SUN1: variants seen among roughly 807,000 people sequenced by gnomAD.
The protein encoded by SUN1 is SUN domain-containing protein 1.
Under a neutral mutation model 103.2 loss-of-function variants are expected in SUN1, and 61 were observed. That is an observed-to-expected ratio of 0.59 (90% CI 0.48 to 0.73). The LOEUF (loss-of-function observed/expected upper bound fraction) is 0.73, where lower values mean the gene tolerates loss of function less well. SUN1 is among the 30% of genes least tolerant of loss of function. The probability of loss-of-function intolerance (pLI) is 0.00; values close to 1 mark genes in which losing one functional copy is unlikely to be tolerated. For synonymous variants in SUN1, 490 were observed against 425.7 expected, an observed-to-expected ratio of 1.15 and a Z score of -1.86; for missense variants, 1,052 against 1,034.6, an observed-to-expected ratio of 1.02 and a Z score of -0.23.
rs369720300 is a variant in SUN1 at position 860,133 on chromosome 7, C to A, written c.1530C>A (p.Asp510Glu). 6.8e-6 allele frequency: 11 copies of A among 1,613,778 alleles called. No homozygotes were observed. The East Asian group carries it at 1.1e-4, about 16-fold the overall frequency. ...TCCGTCTGCTGTTTTACTAGGTGGACGTGCAAGTCAGAGAAATGGTGAAAC... is the reference window on the plus strand; with the variant it reads ...TCCGTCTGCTGTTTTACTAGGTGGAAGTGCAAGTCAGAGAAATGGTGAAAC... The part of the protein sequence containing the change: ...ETVDAVQERV[D>E]VQVREMVKLL... Residue 510 changes from aspartate to glutamate, a missense_variant, in exon 14 of 19, where the codon GAC becomes GAA. Asp to Glu is a conservative substitution (Grantham distance 45, BLOSUM62 2). Transcript: ENST00000401592.
chr7:861,731 C>T (rs1055534052), intron 15 of SUN1, among the ~76,000 whole-genome samples: 1 of 152,220 alleles, frequency 6.6e-6, no homozygotes, highest in African/African-American at 2.4e-5. Context: ...GTGTGCTCGA[C>T]TGTTCACTCT....
intron 3 of SUN1, chr7:842,424 A>T: frequency 2.6e-6 from 1 of 382,006 alleles, no homozygotes; most frequent in Admixed American, 4.3e-5. Context: ...CAATGGGGAG[A>T]TGAAGCAGCA....
intron 1 of SUN1, among the ~76,000 whole-genome samples, chr7:837,529 C>CT (rs1157946804): frequency 6.6e-6 from 1 of 152,130 alleles, no homozygotes; most frequent in Non-Finnish European, 1.5e-5. Flanking sequence ...ACGTTAAGGC[C>CT]TAGTGGTCTT....
At position 853,595 on chromosome 7, in the gene SUN1, G is replaced by A. The variant is rs574113932; in HGVS notation, c.1240G>A (p.Ala414Thr). 107 of 1,605,408 alleles carry A rather than the reference G, an allele frequency of 6.7e-5. No homozygotes were observed. The highest frequency in any genetic ancestry group is 1.2e-4 in the African/African-American group (9 of 75,032). Reference protein sequence around the residue: ...AAGPSASVRDAVGQPPRETDF... With the variant: ...AAGPSASVRDTVGQPPRETDF... ...CGGGCCGTCAGCTTCGGTCAGAGACGCTGTGGGACAGCCCCCGAGGGAGGT... is the reference window on the plus strand; with the variant it reads ...CGGGCCGTCAGCTTCGGTCAGAGACACTGTGGGACAGCCCCCGAGGGAGGT... Residue 414 changes from alanine (A) to threonine (T), a missense_variant, in exon 10 of 19, where the codon GCT becomes ACT. Coordinates refer to ENST00000401592, the MANE Select transcript of SUN1 (RefSeq NM_001130965.3).
At chr7:821,319 G>A (rs965726333) in intron 1 of SUN1, among the ~76,000 whole-genome samples, 31 of 151,830 alleles carry the variant, frequency 2.0e-4, no homozygotes, top group African/African-American at 7.5e-4. Context: ...ACAGGTGCAC[G>A]CCACCACGCC....
chr7:844,236 C>T (rs1373211241), intron 5 of SUN1, among the ~76,000 whole-genome samples: 1 of 152,204 alleles, frequency 6.6e-6, no homozygotes, highest in Non-Finnish European at 1.5e-5. Flanking sequence ...GACTGCCTGG[C>T]CCAGGATCTC....
At chr7:855,084 A>G in intron 11 of SUN1, 78 bp downstream of exon 11, 2 of 1,111,656 alleles carry the variant, frequency 1.8e-6, no homozygotes, top group Middle Eastern at 2.1e-4. Context: ...CCCTTTGGTC[A>G]TTTAATGTTC....
intron 11 of SUN1, among the ~76,000 whole-genome samples, chr7:855,698 A>G (rs940233717): frequency 3.3e-5 from 5 of 152,148 alleles, no homozygotes; most frequent in Non-Finnish European, 5.9e-5. Context: ...GTGGGCTGAG[A>G]GGAGCAGGCA....
At chr7:867,943 G>C (rs190643828) in intron 16 of SUN1, among the ~76,000 whole-genome samples, 1 of 152,324 alleles carries the variant, frequency 6.6e-6, no homozygotes, top group East Asian at 1.9e-4. Flanking sequence ...CCCAAGAGGG[G>C]TACCAGGGAA....
chr7:868,374 G>A (rs4721964), intron 16 of SUN1: 33,108 of 256,614 alleles, frequency 0.13, 2,509 homozygotes, highest in South Asian at 0.22. Context: ...AGATGTGTGC[G>A]CAGCAGGCCG....
intron 15 of SUN1, among the ~76,000 whole-genome samples, chr7:863,428 T>G (rs1833893934): frequency 1.3e-5 from 2 of 152,256 alleles, no homozygotes; most frequent in South Asian, 4.1e-4. Flanking sequence ...TTTTTTGTCC[T>G]GCTTTGACAA....
At chr7:818,626 TCA>T (rs745967645) in intron 1 of SUN1, among the ~76,000 whole-genome samples, 2 of 152,216 alleles carry the variant, frequency 1.3e-5, no homozygotes, top group African/African-American at 2.4e-5. Context: ...AAACTGTTTT[TCA>T]CAGTGTCCGC....
chr7:850,508 C>T (rs1820854389), intron 5 of SUN1: 1 of 157,744 alleles, frequency 6.3e-6, no homozygotes, highest in Non-Finnish European at 1.4e-5. Flanking sequence ...AAATAATTGT[C>T]TCACCTGCTA....
chr7:830,990 T>C (rs1797422230), upstream of SUN1: 4 of 985,458 alleles, frequency 4.1e-6, no homozygotes, highest in East Asian at 1.1e-4. Context: ...GTAGCCTACA[T>C]TGGATCCAGG....
intron 1 of SUN1, chr7:832,845 A>G (rs1799222868): frequency 4.4e-6 from 2 of 455,886 alleles, no homozygotes. Flanking sequence ...GCTGGCTTCG[A>G]CCCCACCCAG....
intron 5 of SUN1, chr7:849,740 C>A: frequency 1.8e-6 from 2 of 1,133,340 alleles, no homozygotes; most frequent in Non-Finnish European, 2.7e-6. Flanking sequence ...GCTGTTGGAG[C>A]TGCTGCTTAA....
intron 1 of SUN1, among the ~76,000 whole-genome samples, chr7:833,602 T>G (rs1213667308): frequency 6.6e-6 from 1 of 152,156 alleles, no homozygotes. Context: ...TGAGCCACCG[T>G]GCCCGGTCTC....
chr7:867,659 A>C (rs1028131578), intron 16 of SUN1, among the ~76,000 whole-genome samples: 1 of 152,154 alleles, frequency 6.6e-6, no homozygotes, highest in African/African-American at 2.4e-5. Context: ...ATCACCAATC[A>C]CTGTGCTGGG....
At chr7:824,860 C>T (rs1025464643) in intron 1 of SUN1, among the ~76,000 whole-genome samples, 6 of 142,510 alleles carry the variant, frequency 4.2e-5, no homozygotes, top group African/African-American at 1.0e-4. Flanking sequence ...AGGGCGGGTG[C>T]GGGGTGGGGG....
Sources: gnomAD v4.1 joint callset for allele counts (sites outside exome capture counted in the v4.1 genomes callset) on GRCh38, gnomAD v4.1.1 for gene constraint, MANE v1.5 for transcripts, NCBI Gene and HGNC (gene_info 2026-07-23, HGNC 2026-07-21) for gene names.